The following ROBO2 variants were observed in gnomAD, a reference collection of about 807,000 sequenced individuals.
ROBO2 encodes roundabout guidance receptor 2.
ROBO2 carries 53 observed loss-of-function variants against 160.8 expected under a neutral mutation model. That is an observed-to-expected ratio of 0.33 (90% CI 0.26 to 0.41). The LOEUF (loss-of-function observed/expected upper bound fraction) is 0.41. Ranked by LOEUF, ROBO2 falls within the 10% of genes least tolerant of loss-of-function variation. The pLI is 1.00. For synonymous variants in ROBO2, 664 were observed against 611.7 expected (o/e 1.09, Z -1.26); for missense variants, 1,577 against 1,722.4 (o/e 0.92, Z 1.49).
chr3:77,402,991 G>C (rs2075945008), intron 2 of ROBO2, among the ~76,000 whole-genome samples: 1 of 152,178 alleles, frequency 6.6e-6, no homozygotes, highest in Non-Finnish European at 1.5e-5. Flanking sequence ...CTATTTCTGA[G>C]GAGGCAAGAA....
At chr3:77,057,569 A>ATTT (rs71104648) in intron 1 of ROBO2, among the ~76,000 whole-genome samples, 59,824 of 105,222 alleles carry the variant, frequency 0.57, 20,377 homozygotes, top group Non-Finnish European at 0.68. Context: ...ATTCCAGAGG[A>ATTT]TTTTTTTTTT....
chr3:76,596,685 T>C (rs1485157594), intron 2 of ROBO2, among the ~76,000 whole-genome samples: 1 of 152,110 alleles, frequency 6.6e-6, no homozygotes, highest in African/African-American at 2.4e-5. Flanking sequence ...ATTCGGCCTT[T>C]AATTGCAGAG....
At chr3:77,005,378 C>T (rs1413081688) in intron 2 of ROBO2, among the ~76,000 whole-genome samples, 2 of 152,036 alleles carry the variant, frequency 1.3e-5, no homozygotes, top group Non-Finnish European at 2.9e-5. Context: ...CAATAATGGA[C>T]CATTTGTTTG....
At chr3:76,900,780 A>C (rs1230024246) in intron 2 of ROBO2, among the ~76,000 whole-genome samples, 2 of 152,192 alleles carry the variant, frequency 1.3e-5, no homozygotes, top group African/African-American at 4.8e-5. Context: ...GAAGCCTGGA[A>C]TTTCCAAGTT....
intron 17 of ROBO2, among the ~76,000 whole-genome samples, chr3:77,593,984 C>T (rs763894370): frequency 2.5e-4 from 38 of 151,542 alleles, no homozygotes; most frequent in Admixed American, 5.9e-4. Flanking sequence ...ATTTTTTTTC[C>T]TTCATCCCGG....
intron 2 of ROBO2, among the ~76,000 whole-genome samples, chr3:76,366,163 T>A (rs2075801517): frequency 6.6e-6 from 1 of 152,052 alleles, no homozygotes; most frequent in South Asian, 2.1e-4. Context: ...GCTAATTCGC[T>A]CATTTCACTC....
chr3:76,134,669 G>A (rs956408905), intron 2 of ROBO2, among the ~76,000 whole-genome samples: 3 of 152,002 alleles, frequency 2.0e-5, no homozygotes, highest in African/African-American at 4.8e-5. Context: ...GACACTTAGC[G>A]TGCAGCCTTG....
At position 77,164,637 on chromosome 3, in the gene ROBO2, C is replaced by T. The variant is rs1471631093; in HGVS notation, c.388+66297C>T. ...GAAGTGAGGAGCCCCTCTGCCCGGC[C>T]AGCCGCCCCGTCCGGGAGGGAGGTG... On this transcript the variant is annotated intron_variant, in intron 2 of 25. Coordinates refer to ENST00000461745, the Ensembl canonical transcript of ROBO2. Among the ~76,000 whole-genome samples the T allele has an allele frequency of 3.1e-5, 4 of 128,740 alleles. No homozygotes were observed. The East Asian group carries it at 9.8e-4, about 32-fold the overall frequency. 84.5% of individuals were successfully genotyped at this position (128,740 alleles called of 152,430 possible).
At chr3:76,657,527 C>T (rs2091594626) in intron 2 of ROBO2, among the ~76,000 whole-genome samples, 3 of 150,636 alleles carry the variant, frequency 2.0e-5, no homozygotes, top group Admixed American at 1.3e-4. Context: ...AGGATAATCC[C>T]TCGAGCCCAG....
intron 2 of ROBO2, among the ~76,000 whole-genome samples, chr3:76,961,314 A>G (rs2079646108): frequency 6.6e-6 from 1 of 152,024 alleles, no homozygotes; most frequent in Admixed American, 6.6e-5. Flanking sequence ...TGTAAAAAAA[A>G]AAAATCCAAT....
At chr3:76,559,767 C>G (rs2084045639) in intron 2 of ROBO2, among the ~76,000 whole-genome samples, 2 of 152,110 alleles carry the variant, frequency 1.3e-5, no homozygotes, top group Non-Finnish European at 2.9e-5. Flanking sequence ...TATGGATAAG[C>G]AACTACGGCT....
chr3:76,731,767 G>T (rs556590495), intron 2 of ROBO2, among the ~76,000 whole-genome samples: 2 of 152,278 alleles, frequency 1.3e-5, no homozygotes, highest in South Asian at 4.1e-4. Flanking sequence ...CTAACACTTT[G>T]TGAACATAAT....
At chr3:77,455,516 C>T (rs2081538236) in intron 2 of ROBO2, among the ~76,000 whole-genome samples, 3 of 152,140 alleles carry the variant, frequency 2.0e-5, no homozygotes, top group Admixed American at 1.3e-4. Flanking sequence ...ACCGCAACAT[C>T]CAACTCCCTG....
At chr3:77,069,331 C>A (rs964193698) in intron 1 of ROBO2, among the ~76,000 whole-genome samples, 1 of 152,074 alleles carries the variant, frequency 6.6e-6, no homozygotes, top group Non-Finnish European at 1.5e-5. Flanking sequence ...AATGAGGATG[C>A]TTTGTTGGCA....
intron 2 of ROBO2, among the ~76,000 whole-genome samples, chr3:76,739,954 T>C (rs2093775754): frequency 6.6e-6 from 1 of 152,240 alleles, no homozygotes; most frequent in Non-Finnish European, 1.5e-5. Context: ...TGTGTGCTTG[T>C]AGCACATAAA....
chr3:77,223,325 G>A (rs2151215892), intron 2 of ROBO2, among the ~76,000 whole-genome samples: 1 of 152,216 alleles, frequency 6.6e-6, no homozygotes, highest in South Asian at 2.1e-4. Flanking sequence ...CAAAAATTCT[G>A]TGTGCAAAAT....
chr3:76,027,446 G>A (rs1351348396), intron 2 of ROBO2, among the ~76,000 whole-genome samples: 1 of 151,736 alleles, frequency 6.6e-6, no homozygotes, highest in Non-Finnish European at 1.5e-5. Context: ...AATTTCAAGG[G>A]GCAGGGAAGT....
At position 76,031,163 on chromosome 3, in the gene ROBO2, CTGTT is replaced by C. The variant is rs1219708715; in HGVS notation, c.109+93566_109+93569del. Among the ~76,000 whole-genome samples the C allele has an allele frequency of 6.6e-5, 10 of 151,908 alleles. No homozygotes were observed. In the East Asian group the frequency reaches 1.6e-3, roughly 24 times the overall value. On this transcript the variant is annotated intron_variant, in intron 2 of 26. Coordinates refer to the ROBO2 transcript ENST00000487694. ...GGGAGTTCCCTCATGATTTGGCTCT[CTGTT>C]TGTTATTGGTGTATAGGAGTGCTTG...
intron 2 of ROBO2, among the ~76,000 whole-genome samples, chr3:77,410,681 C>T (rs1319744359): frequency 1.4e-5 from 2 of 143,926 alleles, no homozygotes; most frequent in East Asian, 2.1e-4. Flanking sequence ...CTTCCTCCTC[C>T]TCCTCTTCCT....
Sources: allele counts gnomAD v4.1 joint callset (sites outside exome capture counted in the v4.1 genomes callset), GRCh38; gene constraint gnomAD v4.1.1; transcripts MANE v1.5; gene names NCBI Gene and HGNC (gene_info 2026-07-23, HGNC 2026-07-21).